JAZF1: variants seen among roughly 807,000 people sequenced by gnomAD.
The protein encoded by JAZF1 is JAZF zinc finger 1, also known as juxtaposed with another zinc finger protein 1.
JAZF1 carries 8 observed loss-of-function variants against 26.4 expected under a neutral mutation model. That is an observed-to-expected ratio of 0.30 (90% confidence interval 0.18 to 0.55). The LOEUF is 0.55. Among genes scored for constraint, JAZF1 ranks in the 20% least tolerant of loss-of-function variants. The pLI, the probability that JAZF1 is intolerant of heterozygous loss-of-function variation, is 0.94. For synonymous variants in JAZF1, 126 were observed against 122.3 expected (o/e 1.03, Z -0.20); for missense variants, 199 against 322.0 (o/e 0.62, Z 2.92).
chr7:27,914,088 G>C (rs1028573230), intron 2 of JAZF1, among the ~76,000 whole-genome samples: 1 of 152,160 alleles, frequency 6.6e-6, no homozygotes, highest in African/African-American at 2.4e-5. Context: ...AGAGCACAGG[G>C]GCAGGAGAAA....
intron 2 of JAZF1, among the ~76,000 whole-genome samples, chr7:27,988,920 TAAAAAAAAAAAAA>T (rs57661404): frequency 7.2e-5 from 6 of 83,770 alleles, no homozygotes; most frequent in African/African-American, 1.4e-4. Flanking sequence ...AGAATCTCTG[TAAAAAAAAAAAAA>T]AAAAAAAAAA....
At position 28,084,147 on chromosome 7, in the gene JAZF1, C is replaced by T. The variant is rs1020811640; in HGVS notation, c.116-92166G>A. ...TGCCTTCTGAAGACTGTGGAAAAGC[C>T]CCCTTGCAAGGGAGGGTGGAAGGAA... On this transcript the variant is annotated intron_variant, in intron 1 of 4. Transcript: ENST00000283928. Among the ~76,000 whole-genome samples the T allele has an allele frequency of 5.9e-5, 9 of 152,016 alleles. No individual in the cohort carries two copies. In the East Asian group the frequency reaches 7.7e-4, roughly 13 times the overall value.
chr7:28,161,736 G>C (rs1453125117), intron 1 of JAZF1, among the ~76,000 whole-genome samples: 1 of 152,110 alleles, frequency 6.6e-6, no homozygotes, highest in African/African-American at 2.4e-5. Context: ...AGCCTTTGCT[G>C]CTAACTAGCT....
chr7:28,046,711 A>G (rs1428540499), intron 1 of JAZF1, among the ~76,000 whole-genome samples: 1 of 152,192 alleles, frequency 6.6e-6, no homozygotes, highest in Non-Finnish European at 1.5e-5. Flanking sequence ...ACTGATTTCA[A>G]TATTTGTTTT....
chr7:28,149,936 C>G (rs180796936), intron 1 of JAZF1, among the ~76,000 whole-genome samples: 1 of 152,194 alleles, frequency 6.6e-6, no homozygotes, highest in Middle Eastern at 3.2e-3. Context: ...GCAGTGACCA[C>G]TAGAGCAAAC....
At position 28,113,418 on chromosome 7, in the gene JAZF1, G is replaced by A. The variant is rs145603404; in HGVS notation, c.115+67045C>T. On this transcript the variant is annotated intron_variant, in intron 1 of 4. Transcript: ENST00000283928. ...GCTCTGAAGAACAGTTACTAACACT[G>A]CTGCTGAGGAGCACTCACTCACCAC... is the stretch of plus-strand genomic sequence containing the variant. Among the ~76,000 whole-genome samples, 41 of 152,192 alleles carry A rather than the reference G, an allele frequency of 2.7e-4. No homozygotes were observed. In the East Asian group the frequency reaches 7.1e-3, roughly 27 times the overall value.
At chr7:27,860,425 C>G (rs986790838) in intron 3 of JAZF1, among the ~76,000 whole-genome samples, 5 of 152,184 alleles carry the variant, frequency 3.3e-5, no homozygotes, top group African/African-American at 1.2e-4. Flanking sequence ...ACCAAGCTCA[C>G]ATCTTTATCT....
chr7:28,130,772 G>A (rs1472348347), intron 1 of JAZF1, among the ~76,000 whole-genome samples: 1 of 152,164 alleles, frequency 6.6e-6, no homozygotes, highest in East Asian at 1.9e-4. Context: ...TCTCGAAAGG[G>A]TGCTCGCTCA....
intron 2 of JAZF1, among the ~76,000 whole-genome samples, chr7:27,900,682 C>T (rs926523705): frequency 5.3e-5 from 8 of 151,944 alleles, no homozygotes; most frequent in African/African-American, 9.7e-5. Flanking sequence ...AGGGAAGGAA[C>T]GAAGAATGAA....
chr7:28,147,503 T>A (rs546929842), intron 1 of JAZF1, among the ~76,000 whole-genome samples: 1 of 151,828 alleles, frequency 6.6e-6, no homozygotes, highest in East Asian at 1.9e-4. Context: ...TTTTTTTTTT[T>A]ACATTATGAA....
intron 2 of JAZF1, among the ~76,000 whole-genome samples, chr7:27,983,098 T>C (rs867061530): frequency 1.3e-5 from 2 of 152,194 alleles, no homozygotes; most frequent in South Asian, 4.1e-4. Flanking sequence ...GAGAATGACT[T>C]TGACGAGTTG....
intron 2 of JAZF1, among the ~76,000 whole-genome samples, chr7:27,916,679 A>T (rs1011610950): frequency 2.6e-5 from 4 of 152,210 alleles, no homozygotes; most frequent in Admixed American, 6.5e-5. Context: ...TAACAGCAAG[A>T]TCACCAATAA....
At chr7:28,028,500 A>G (rs926491927) in intron 1 of JAZF1, among the ~76,000 whole-genome samples, 2 of 152,232 alleles carry the variant, frequency 1.3e-5, no homozygotes, top group Admixed American at 1.3e-4. Flanking sequence ...GAGATGTTGC[A>G]ACATTCTTCT....
chr7:28,083,199 T>A (rs183710777), intron 1 of JAZF1, among the ~76,000 whole-genome samples: 5 of 152,268 alleles, frequency 3.3e-5, no homozygotes, highest in Non-Finnish European at 7.3e-5. Context: ...GGGGTTCACA[T>A]CTCTCAGTTT....
intron 1 of JAZF1, among the ~76,000 whole-genome samples, chr7:28,064,336 A>G (rs1783846771): frequency 6.6e-6 from 1 of 152,138 alleles, no homozygotes; most frequent in Non-Finnish European, 1.5e-5. Context: ...AAACTATGTA[A>G]AAATCGTATA....
At chr7:27,969,490 G>A (rs1028920396) in intron 2 of JAZF1, among the ~76,000 whole-genome samples, 9 of 151,920 alleles carry the variant, frequency 5.9e-5, no homozygotes, top group Non-Finnish European at 1.2e-4. Flanking sequence ...CCTTAGCAAC[G>A]GTGCAGAGTG....
chr7:28,150,580 C>G (rs1415787828), intron 1 of JAZF1, among the ~76,000 whole-genome samples: 11 of 152,198 alleles, frequency 7.2e-5, no homozygotes, highest in Admixed American at 7.2e-4. Flanking sequence ...GGTGGGAACA[C>G]TGTCATGGGG....
chr7:27,990,847 A>G lies in JAZF1; in HGVS notation c.188+1062T>C, dbSNP rs143766930. Among the ~76,000 whole-genome samples, 902 of 152,304 alleles carry G rather than the reference A, an allele frequency of 5.9e-3. 9 individuals carry two copies. The highest frequency in any genetic ancestry group is 0.02 in the African/African-American group (846 of 41,570). ...AGGCGTTCTATTTAACACATGTCAA[A>G]TATTATTGGTAATGAAAAATTGGAG... On this transcript the variant is annotated intron_variant, in intron 2 of 4. Coordinates refer to ENST00000283928, the MANE Select transcript of JAZF1 (RefSeq NM_175061.4).
chr7:27,960,971 G>A (rs1260063142), intron 2 of JAZF1, among the ~76,000 whole-genome samples: 1 of 152,200 alleles, frequency 6.6e-6, no homozygotes, highest in Non-Finnish European at 1.5e-5. Flanking sequence ...GAGCATGTGA[G>A]AGCAGGCAGT....
Sources: allele counts gnomAD v4.1 joint callset (sites outside exome capture counted in the v4.1 genomes callset), GRCh38; gene constraint gnomAD v4.1.1; transcripts MANE v1.5; gene names NCBI Gene and HGNC (gene_info 2026-07-23, HGNC 2026-07-21).